Variants in DAB1 observed in about 807,000 individuals in gnomAD.
The protein encoded by DAB1 is DAB adaptor protein 1.
DAB1 carries 15 observed loss-of-function variants against 64.6 expected under a neutral mutation model. That is an observed-to-expected ratio of 0.23 (90% confidence interval 0.16 to 0.36). The LOEUF (loss-of-function observed/expected upper bound fraction) is 0.36, where lower values mean the gene tolerates loss of function less well. DAB1 is among the 10% of genes least tolerant of loss of function. The pLI is 1.00. For missense variants in DAB1, 596 were observed against 706.7 expected (o/e 0.84, Z 1.78); for synonymous variants, 235 against 251.9 (o/e 0.93, Z 0.64).
intron 7 of DAB1, among the ~76,000 whole-genome samples, chr1:57,070,074 C>T (rs1279563257): frequency 1.3e-5 from 2 of 152,194 alleles, no homozygotes; most frequent in African/African-American, 4.8e-5. Flanking sequence ...AGCAAGAGCA[C>T]GTCATTACGT....
At chr1:58,241,083 G>C (rs974148406) in intron 4 of DAB1, among the ~76,000 whole-genome samples, 1 of 152,046 alleles carries the variant, frequency 6.6e-6, no homozygotes, top group Non-Finnish European at 1.5e-5. Flanking sequence ...ACATATAGGG[G>C]CAAATAATCT....
At chr1:57,906,611 T>C (rs1206207368) in intron 5 of DAB1, among the ~76,000 whole-genome samples, 1 of 152,152 alleles carries the variant, frequency 6.6e-6, no homozygotes, top group Non-Finnish European at 1.5e-5. Flanking sequence ...CTGGCCAGCC[T>C]AGCAGGATAG....
intron 1 of DAB1, among the ~76,000 whole-genome samples, chr1:57,347,587 A>G (rs1169543808): frequency 1.3e-5 from 2 of 152,086 alleles, no homozygotes; most frequent in East Asian, 1.9e-4. Context: ...CTTCAGCCTC[A>G]TTTATATTTA....
intron 5 of DAB1, among the ~76,000 whole-genome samples, chr1:57,906,806 G>A (rs933799808): frequency 2.6e-5 from 4 of 152,088 alleles, no homozygotes; most frequent in Admixed American, 2.0e-4. Context: ...GTCCCTTCTC[G>A]TTCTAAAATT....
intron 5 of DAB1, among the ~76,000 whole-genome samples, chr1:58,029,106 C>T (rs563558227): frequency 2.0e-5 from 3 of 152,086 alleles, no homozygotes; most frequent in Admixed American, 6.6e-5. Flanking sequence ...TACTATCTAA[C>T]ACTAAGACCA....
chr1:57,269,311 C>A (rs956527233), intron 2 of DAB1, among the ~76,000 whole-genome samples: 1 of 152,096 alleles, frequency 6.6e-6, no homozygotes, highest in Non-Finnish European at 1.5e-5. Context: ...GTGACAAGCA[C>A]CCCAGACCTG....
Position 58,097,122 on chromosome 1 carries a change from T to C in DAB1, n.387+53389A>G, listed in dbSNP as rs535168941. Reference sequence around the variant, plus strand: ...ATTCAGTAGTAATTGACAACATTTATGTGCTTGGCCCTCTCATACATGCTT... The same window carrying C: ...ATTCAGTAGTAATTGACAACATTTACGTGCTTGGCCCTCTCATACATGCTT... On this transcript the variant is annotated intron_variant and non_coding_transcript_variant, in intron 5 of 20. Transcript: ENST00000485760. Among the ~76,000 whole-genome samples, 4 of 152,376 alleles carry C rather than the reference T, an allele frequency of 2.6e-5. No homozygotes were observed. The South Asian group carries it at 8.3e-4, about 32-fold the overall frequency.
At chr1:58,450,568 C>G (rs1240591906) in intron 3 of DAB1, among the ~76,000 whole-genome samples, 1 of 152,150 alleles carries the variant, frequency 6.6e-6, no homozygotes, top group Non-Finnish European at 1.5e-5. Flanking sequence ...TCCTGGCTAA[C>G]ACAGTGAAAC....
intron 11 of DAB1, among the ~76,000 whole-genome samples, chr1:57,017,907 C>T (rs1232865964): frequency 1.3e-5 from 2 of 152,090 alleles, no homozygotes; most frequent in African/African-American, 4.8e-5. Flanking sequence ...AGTGGGAGTG[C>T]TACTGCCCCC....
At chr1:57,254,308 G>A (rs905860527) in intron 2 of DAB1, among the ~76,000 whole-genome samples, 8 of 152,224 alleles carry the variant, frequency 5.3e-5, no homozygotes, top group Admixed American at 1.3e-4. Flanking sequence ...GGACAACCCA[G>A]TGTCACCAGG....
At chr1:58,090,841 A>G (rs1650609732) in intron 5 of DAB1, among the ~76,000 whole-genome samples, 1 of 152,220 alleles carries the variant, frequency 6.6e-6, no homozygotes, top group Admixed American at 6.5e-5. Flanking sequence ...ATAATTTGGT[A>G]CATGTCAAGG....
intron 4 of DAB1, among the ~76,000 whole-genome samples, chr1:58,168,452 C>A (rs527977009): frequency 6.6e-6 from 1 of 152,226 alleles, no homozygotes; most frequent in East Asian, 1.9e-4. Context: ...AACTTCCTCT[C>A]GTCTCTCTTC....
intron 4 of DAB1, among the ~76,000 whole-genome samples, chr1:58,188,274 C>T (rs576235294): frequency 1.1e-4 from 16 of 152,286 alleles, no homozygotes; most frequent in African/African-American, 3.4e-4. Flanking sequence ...AGAGATCATA[C>T]GCGGCTAGTA....
At chr1:58,530,621 T>C (rs1292667456) in intron 1 of DAB1, 2 of 872,652 alleles carry the variant, frequency 2.3e-6, no homozygotes, top group East Asian at 2.4e-5. Flanking sequence ...TTAGACTGTA[T>C]CCACTGGCAC....
intron 5 of DAB1, among the ~76,000 whole-genome samples, chr1:57,981,686 T>C (rs999101604): frequency 6.6e-6 from 1 of 152,204 alleles, no homozygotes; most frequent in African/African-American, 2.4e-5. Flanking sequence ...ATATCCTGAA[T>C]GACATGGCAA....
chr1:57,320,971 TGTAAA>T lies in DAB1; in HGVS notation c.-136-29810_-136-29806del, dbSNP rs963176173. On this transcript the variant is annotated intron_variant, in intron 1 of 14. Coordinates refer to ENST00000371236, the MANE Select transcript of DAB1 (RefSeq NM_001365792.1). ...CTTCTACTTTTTGCTGCCTCAATTA[TGTAAA>T]GTAAACTATGTATTACAGTCAGAAA... 1.6e-4 allele frequency among the ~76,000 whole-genome samples: 25 copies of T among 152,340 alleles called. No individual in the cohort carries two copies. The South Asian group carries it at 5.2e-3, about 32-fold the overall frequency.
intron 5 of DAB1, among the ~76,000 whole-genome samples, chr1:58,041,471 G>A (rs924729782): frequency 2.0e-5 from 3 of 152,110 alleles, no homozygotes; most frequent in Admixed American, 1.3e-4. Flanking sequence ...TGAGCATTAA[G>A]GTCTATATAC....
At chr1:57,486,983 C>T (rs75115299) in intron 7 of DAB1, among the ~76,000 whole-genome samples, 3 of 151,102 alleles carry the variant, frequency 2.0e-5, no homozygotes, top group Non-Finnish European at 4.4e-5. Context: ...AAAAAAACAA[C>T]GACCTCGGCA....
At chr1:57,330,277 G>A (rs11806749) in intron 1 of DAB1, among the ~76,000 whole-genome samples, 7,180 of 152,202 alleles carry the variant, frequency 0.047, 560 homozygotes, top group African/African-American at 0.16. Context: ...CTCCAGGGAC[G>A]TAGTGTTAAT....
Sources: allele counts gnomAD v4.1 joint callset (sites outside exome capture counted in the v4.1 genomes callset), GRCh38; gene constraint gnomAD v4.1.1; transcripts MANE v1.5; gene names NCBI Gene and HGNC (gene_info 2026-07-23, HGNC 2026-07-21).